Variants in EIF5A2 observed in about 807,000 individuals in gnomAD.
EIF5A2 encodes the protein eukaryotic translation initiation factor 5A-2.
Under a neutral mutation model 16.4 loss-of-function variants are expected in EIF5A2, and 15 were observed. The ratio of observed to expected loss-of-function variants is 0.92; its 90% CI spans 0.61 to 1.41. The LOEUF is 1.41. EIF5A2 is among the 40% of genes most tolerant of loss of function. The pLI is 0.00. For missense variants in EIF5A2, 144 were observed against 189.5 expected, an observed-to-expected ratio of 0.76 and a Z score of 1.41; for synonymous variants, 48 against 61.1, an observed-to-expected ratio of 0.79 and a Z score of 1.00.
At chr3:170,895,175 G>A (rs984207316) in intron 3 of EIF5A2, among the ~76,000 whole-genome samples, 1 of 151,764 alleles carries the variant, frequency 6.6e-6, no homozygotes, top group Non-Finnish European at 1.5e-5. Flanking sequence ...TACTATTACT[G>A]ATTTAACCAA....
Position 170,893,091 on chromosome 3 carries a change from A to G in EIF5A2, c.*269T>C. The G allele has an allele frequency of 2.2e-6, 1 of 446,236 alleles. No individual in the cohort carries two copies. Among genetic ancestry groups the G allele is most frequent in the Non-Finnish European group, 3.9e-6 (1 of 255,448 alleles). The allele number at this position is 446,236 out of a possible 1,614,324, so 27.6% of individuals were successfully genotyped here. Reference sequence around the variant, plus strand: ...TTGCTCAGACAAATCACATCTGCTGAAGCTATCTTGTTTGTTTCTTGGACT... The same window carrying G: ...TTGCTCAGACAAATCACATCTGCTGGAGCTATCTTGTTTGTTTCTTGGACT... On this transcript the variant is annotated 3_prime_UTR_variant, in exon 5 of 5. Coordinates refer to ENST00000295822, the MANE Select transcript of EIF5A2 (RefSeq NM_020390.6).
Position 170,892,902 on chromosome 3 carries a change from A to G in EIF5A2, c.*458T>C, listed in dbSNP as rs1028553660. 1.0e-5 allele frequency: 4 copies of G among 399,020 alleles called. No individual in the cohort carries two copies. Among genetic ancestry groups the G allele is most frequent in the African/African-American group, 8.2e-5 (4 of 48,630 alleles). 24.7% of individuals were successfully genotyped at this position (399,020 alleles called of 1,614,324 possible). On this transcript the variant is annotated 3_prime_UTR_variant, in exon 5 of 5. Coordinates refer to ENST00000295822, the MANE Select transcript of EIF5A2 (RefSeq NM_020390.6). ...TTAAGGATTTGTGTTTGCCCTACACAGGCTGAAAGTGCAACAATTCCAATA... is the reference window on the plus strand; with the variant it reads ...TTAAGGATTTGTGTTTGCCCTACACGGGCTGAAAGTGCAACAATTCCAATA...
chr3:170,907,126 T>C, intron 2 of EIF5A2, 33 bp from the exon 3 acceptor site: 1 of 1,440,570 alleles, frequency 6.9e-7, no homozygotes, highest in Non-Finnish European at 9.7e-7. Context: ...CTGTTTAATC[T>C]CTGCCAAGTA....
rs1378104553 is a variant in EIF5A2, at chr3:170,907,099, AGAG to A, written c.166-9_166-7del. The A allele has an allele frequency of 8.8e-6, 14 of 1,595,876 alleles. No individual in the cohort carries two copies. The highest frequency in any genetic ancestry group is 3.4e-5 in the Admixed American group (2 of 59,640). On this transcript the variant is annotated splice_polypyrimidine_tract_variant and splice_region_variant and intron_variant, in intron 2 of 4. Coordinates refer to ENST00000295822, the MANE Select transcript of EIF5A2 (RefSeq NM_020390.6). ...TCAATTCCAACAAGGTGAACCTAAC[AGAG>A]GAGAACAGGAAACCTGTTTAATCTC...
At chr3:170,904,659 G>A (rs984415925) in intron 3 of EIF5A2, among the ~76,000 whole-genome samples, 1 of 152,014 alleles carries the variant, frequency 6.6e-6, no homozygotes, top group Non-Finnish European at 1.5e-5. Context: ...ACCATGCCTC[G>A]CTAATTTTTT....
At position 170,893,111 on chromosome 3, in the gene EIF5A2, T is replaced by G. The variant is rs187430565; in HGVS notation, c.*249A>C. The G allele has an allele frequency of 4.5e-6, 2 of 446,202 alleles. No homozygotes were observed. The highest frequency in any genetic ancestry group is 1.2e-4 in the South Asian group (2 of 16,398). 27.6% of individuals were successfully genotyped at this position (446,202 alleles called of 1,614,324 possible). ...TGCTGAAGCTATCTTGTTTGTTTCT[T>G]GGACTGACATACTGAAAACCACAGG... On this transcript the variant is annotated 3_prime_UTR_variant, in exon 5 of 5. Coordinates refer to ENST00000295822, the MANE Select transcript of EIF5A2 (RefSeq NM_020390.6).
At chr3:170,897,646 A>G (rs896324681) in intron 3 of EIF5A2, among the ~76,000 whole-genome samples, 1 of 152,186 alleles carries the variant, frequency 6.6e-6, no homozygotes, top group African/African-American at 2.4e-5. Flanking sequence ...ATTTCAGAGG[A>G]TGTATGAAAT....
chr3:170,900,081 G>C (rs971714724), intron 3 of EIF5A2, among the ~76,000 whole-genome samples: 2 of 151,952 alleles, frequency 1.3e-5, no homozygotes, highest in Non-Finnish European at 2.9e-5. Flanking sequence ...TCAGAATGTG[G>C]TATTTTTGGC....
rs1004543569 is a variant in EIF5A2 at position 170,891,941 on chromosome 3, G to GA, written c.*1418dup. 5.8e-4 allele frequency: 88 copies of GA among 152,270 alleles called. No homozygotes were observed. Among genetic ancestry groups the GA allele is most frequent in the African/African-American group, 2.0e-3 (82 of 41,446 alleles). 9.4% of individuals were successfully genotyped at this position (152,270 alleles called of 1,614,324 possible). On this transcript the variant is annotated 3_prime_UTR_variant, in exon 5 of 5. Coordinates refer to ENST00000295822, the MANE Select transcript of EIF5A2 (RefSeq NM_020390.6). ...ACTGAATTAAGTCACACAACAATCA[G>GA]AAAAAATGCATATACTTAAAATAAC...
intron 3 of EIF5A2, among the ~76,000 whole-genome samples, chr3:170,897,864 A>C (rs1344156126): frequency 1.3e-5 from 2 of 152,338 alleles, no homozygotes; most frequent in African/African-American, 4.8e-5. Context: ...ACAGGCACTC[A>C]ATACCAACCA....
rs1165573111 is a variant in EIF5A2, at chr3:170,892,682, C to T, written c.*678G>A. On this transcript the variant is annotated 3_prime_UTR_variant, in exon 5 of 5. Transcript: ENST00000295822. Reference sequence around the variant, plus strand: ...CTTTGCCACTGTCTTTTGTGTCTTCCTTATAATCTTACTTGCTAACTAACT... The same window carrying T: ...CTTTGCCACTGTCTTTTGTGTCTTCTTTATAATCTTACTTGCTAACTAACT... The T allele has an allele frequency of 1.3e-5, 5 of 397,978 alleles. No individual in the cohort carries two copies. The highest frequency in any genetic ancestry group is 3.6e-5 in the East Asian group (1 of 28,038). The allele number at this position is 397,978 out of a possible 1,614,324, so 24.7% of individuals were successfully genotyped here. A position where few individuals can be genotyped will look rare whatever the true frequency, so the allele number is the denominator to read the frequency against.
Position 170,891,037 on chromosome 3 carries a change from G to A in EIF5A2, c.*2323C>T, listed in dbSNP as rs1468830927. On this transcript the variant is annotated 3_prime_UTR_variant, in exon 5 of 5. Transcript: ENST00000295822. ...GCATAAATAGCGTTTGCCATTCAAA[G>A]TATGAAGATAGAGATGCATTATTAT... 6.6e-6 allele frequency: 1 copy of A among 152,484 alleles called. No homozygotes were observed. The highest frequency in any genetic ancestry group is 1.9e-4 in the East Asian group (1 of 5,204). 9.4% of individuals were successfully genotyped at this position (152,484 alleles called of 1,614,324 possible).
At chr3:170,897,144 G>A (rs1712694500) in intron 3 of EIF5A2, among the ~76,000 whole-genome samples, 3 of 152,240 alleles carry the variant, frequency 2.0e-5, no homozygotes. Context: ...ACAGTCATAT[G>A]CATTCATGAA....
intron 4 of EIF5A2, among the ~76,000 whole-genome samples, 175 bp downstream of exon 4, chr3:170,894,117 C>T (rs1378519518): frequency 6.6e-6 from 1 of 151,834 alleles, no homozygotes; most frequent in African/African-American, 2.4e-5. Context: ...AACTTTGATA[C>T]TTTCTTTGAT....
intron 3 of EIF5A2, among the ~76,000 whole-genome samples, chr3:170,901,110 T>C (rs1041628819): frequency 6.6e-6 from 1 of 152,184 alleles, no homozygotes; most frequent in Non-Finnish European, 1.5e-5. Flanking sequence ...CAGAGGAACA[T>C]GTTAAAAAAC....
intron 3 of EIF5A2, among the ~76,000 whole-genome samples, chr3:170,901,675 C>T (rs1045941181): frequency 7.9e-5 from 12 of 151,682 alleles, no homozygotes; most frequent in African/African-American, 1.9e-4. Flanking sequence ...CTCCTGATCT[C>T]GTGATCCGCC....
chr3:170,892,498 T>A lies in EIF5A2; in HGVS notation c.*862A>T. 1 of 302,848 alleles carries A rather than the reference T, an allele frequency of 3.3e-6. No homozygotes were observed. Among genetic ancestry groups the A allele is most frequent in the East Asian group, 5.1e-5 (1 of 19,492 alleles). 18.8% of individuals were successfully genotyped at this position (302,848 alleles called of 1,614,324 possible). ...GATAAATATTACTATTTATTCAACA[T>A]AGTTGGAAAACAAGCATTGCATAGT... On this transcript the variant is annotated 3_prime_UTR_variant, in exon 5 of 5. Coordinates refer to ENST00000295822, the MANE Select transcript of EIF5A2 (RefSeq NM_020390.6).
intron 3 of EIF5A2, among the ~76,000 whole-genome samples, chr3:170,900,649 A>G (rs1712786836): frequency 6.6e-6 from 1 of 152,332 alleles, no homozygotes; most frequent in East Asian, 1.9e-4. Context: ...ATATGTTTAA[A>G]TGCTCGAGTT....
intron 3 of EIF5A2, among the ~76,000 whole-genome samples, chr3:170,905,601 T>C (rs1013803819): frequency 3.9e-5 from 6 of 152,222 alleles, no homozygotes; most frequent in Non-Finnish European, 7.3e-5. Context: ...TAATCACATA[T>C]ACATTTAACA....
Sources: gnomAD v4.1 joint callset for allele counts (sites outside exome capture counted in the v4.1 genomes callset) on GRCh38, gnomAD v4.1.1 for gene constraint, MANE v1.5 for transcripts, NCBI Gene and HGNC (gene_info 2026-07-23, HGNC 2026-07-21) for gene names.